Variants in ZNF831 observed in about 807,000 individuals in gnomAD.
ZNF831 encodes the protein zinc finger protein 831.
In ZNF831, 59 loss-of-function variants were observed where a neutral mutation model predicts 95.8. The observed-to-expected ratio is 0.62, with a 90% CI of 0.50 to 0.77. The LOEUF is 0.77. ZNF831 is among the 30% of genes least tolerant of loss of function. The probability of loss-of-function intolerance (pLI) is 0.00; values close to 1 mark genes in which losing one functional copy is unlikely to be tolerated. For missense variants in ZNF831, 2,205 were observed against 2,164.0 expected, an observed-to-expected ratio of 1.02 and a Z score of -0.38; for synonymous variants, 961 against 925.5, an observed-to-expected ratio of 1.04 and a Z score of -0.70.
chr20:59,179,364 C>T lies in ZNF831; in HGVS notation c.-36-11620C>T, dbSNP rs144809779. ...CCATCCGCTTCTCACTACAGTCCAG[C>T]GAAGGGCAGAGCTTCCTTTCACATC... On this transcript the variant is annotated intron_variant, in intron 1 of 5. Coordinates refer to ENST00000371030, the MANE Select transcript of ZNF831 (RefSeq NM_178457.3). Among the ~76,000 whole-genome samples the T allele has an allele frequency of 1.6e-4, 24 of 152,290 alleles. No individual in the cohort carries two copies. In the East Asian group the frequency reaches 2.3e-3, roughly 15 times the overall value.
At chr20:59,196,138 C>T in intron 3 of ZNF831, 133 bp downstream of exon 3, 2 of 1,290,970 alleles carry the variant, frequency 1.5e-6, no homozygotes, top group South Asian at 1.6e-5. Context: ...GATTAAAGGA[C>T]TGAATTTGTT....
intron 4 of ZNF831, among the ~76,000 whole-genome samples, chr20:59,226,776 T>C (rs1238365541): frequency 6.6e-6 from 1 of 151,958 alleles, no homozygotes; most frequent in Non-Finnish European, 1.5e-5. Flanking sequence ...TCTTTGATAA[T>C]GTCTTTGTCA....
chr20:59,253,309 C>T (rs1321825717), intron 5 of ZNF831, among the ~76,000 whole-genome samples, 171 bp downstream of exon 5: 1 of 152,088 alleles, frequency 6.6e-6, no homozygotes, highest in Non-Finnish European at 1.5e-5. Context: ...CATTCTGTAT[C>T]GAATGAGTAG....
chr20:59,139,934 AC>A (rs1286826085), intron 1 of ZNF831, among the ~76,000 whole-genome samples: 5 of 152,218 alleles, frequency 3.3e-5, no homozygotes, highest in Non-Finnish European at 5.9e-5. Context: ...TTGAGGAATA[AC>A]AACCAAGTTA....
intron 1 of ZNF831, among the ~76,000 whole-genome samples, chr20:59,126,759 T>C (rs1290170212): frequency 6.6e-6 from 1 of 152,168 alleles, no homozygotes; most frequent in Non-Finnish European, 1.5e-5. Context: ...TCACTCTCCT[T>C]TTCTGGAAAG....
intron 1 of ZNF831, among the ~76,000 whole-genome samples, chr20:59,177,091 T>G (rs1405237006): frequency 6.6e-6 from 1 of 152,212 alleles, no homozygotes; most frequent in African/African-American, 2.4e-5. Flanking sequence ...ATGGCAGTTC[T>G]CATCCTTGTG....
chr20:59,238,952 T>C (rs1245452456), intron 4 of ZNF831, among the ~76,000 whole-genome samples: 1 of 152,174 alleles, frequency 6.6e-6, no homozygotes, highest in Non-Finnish European at 1.5e-5. Context: ...TGTGTTTTCC[T>C]CTCTATGAGA....
Position 59,194,297 on chromosome 20 carries a change from T to A in ZNF831, c.3278T>A (p.Val1093Asp), listed in dbSNP as rs2146596922. ...TLARARLSGD[V>D]LNPWVPNWEL... is the part of the protein sequence containing the mutation. ...GCAAGGGCCAGGCTCTCTGGGGATG[T>A]CCTGAATCCCTGGGTACCCAACTGG... The change falls in exon 2 of 6, where the codon GTC becomes GAC. Residue 1093 changes from valine to aspartate, a missense_variant. By Grantham distance (152) the Val-to-Asp change is radical (BLOSUM62 -3). Coordinates refer to ENST00000371030, the MANE Select transcript of ZNF831 (RefSeq NM_178457.3). 6.2e-7 allele frequency: 1 copy of A among 1,613,922 alleles called. No homozygotes were observed. The highest frequency in any genetic ancestry group is 8.5e-7 in the Non-Finnish European group (1 of 1,179,988).
At chr20:59,176,996 C>G (rs544933393) in intron 1 of ZNF831, among the ~76,000 whole-genome samples, 1 of 122,358 alleles carries the variant, frequency 8.2e-6, no homozygotes, top group African/African-American at 3.6e-5. Context: ...CAGGCCCATA[C>G]TGGAAAGATC....
intron 4 of ZNF831, among the ~76,000 whole-genome samples, chr20:59,223,864 T>C (rs1206612155): frequency 6.6e-6 from 1 of 152,150 alleles, no homozygotes; most frequent in Non-Finnish European, 1.5e-5. Flanking sequence ...ACATACCCCA[T>C]CTGGGCCCAA....
Position 59,190,975 on chromosome 20 carries a change from T to G in ZNF831, c.-36-9T>G, listed in dbSNP as rs529897491. ...GGTGCCCATGGTAAAGTTTGGTTGT[T>G]GTCTGCAGGTTTTCCAGCATTGTGG... On this transcript the variant is annotated splice_polypyrimidine_tract_variant and intron_variant, in intron 1 of 5. Transcript: ENST00000371030. 2 of 1,461,894 alleles carry G rather than the reference T, an allele frequency of 1.4e-6. No individual in the cohort carries two copies. The highest frequency in any genetic ancestry group is 1.5e-5 in the South Asian group (1 of 66,478). 90.6% of individuals were successfully genotyped at this position (1,461,894 alleles called of 1,614,324 possible).
chr20:59,244,546 A>G (rs1987499011), intron 4 of ZNF831, among the ~76,000 whole-genome samples: 1 of 152,204 alleles, frequency 6.6e-6, no homozygotes, highest in African/African-American at 2.4e-5. Flanking sequence ...ACGCAATATC[A>G]TGTTTGTTGC....
chr20:59,239,353 T>C (rs1301696426), intron 4 of ZNF831, among the ~76,000 whole-genome samples: 1 of 152,328 alleles, frequency 6.6e-6, no homozygotes, highest in East Asian at 1.9e-4. Context: ...GTTAGTTTAC[T>C]GCATTATCAT....
At chr20:59,180,386 A>G (rs1601343553) in intron 1 of ZNF831, among the ~76,000 whole-genome samples, 1 of 152,132 alleles carries the variant, frequency 6.6e-6, no homozygotes, top group African/African-American at 2.4e-5. Context: ...AAGTTCTGGG[A>G]TACATGTGCA....
intron 1 of ZNF831, among the ~76,000 whole-genome samples, chr20:59,171,657 TA>T (rs1568737560): frequency 6.6e-6 from 1 of 152,210 alleles, no homozygotes; most frequent in Admixed American, 6.5e-5. Context: ...CAATAACTCA[TA>T]TATAAAAATT....
At chr20:59,231,048 T>A (rs1986694763) in intron 4 of ZNF831, among the ~76,000 whole-genome samples, 1 of 152,156 alleles carries the variant, frequency 6.6e-6, no homozygotes, top group South Asian at 2.1e-4. Flanking sequence ...GCTCCTGCCA[T>A]TAGATCGGCA....
chr20:59,208,683 G>A lies in ZNF831; in HGVS notation c.4027+1627G>A, dbSNP rs1004123639. Among the ~76,000 whole-genome samples the A allele has an allele frequency of 2.6e-5, 4 of 152,136 alleles. No individual in the cohort carries two copies. The highest frequency in any genetic ancestry group is 2.1e-4 in the South Asian group (1 of 4,826). On this transcript the variant is annotated intron_variant, in intron 4 of 5. Coordinates refer to ENST00000371030, the MANE Select transcript of ZNF831 (RefSeq NM_178457.3). The surrounding 1 kb of genome is among the most constrained non-coding windows in gnomAD (Gnocchi z 4.2). Reference sequence around the variant, plus strand: ...CATGGTACTTGCTGGCTGACTCCTCGTTCCCTGTTCCCATGGACTCTTCCC... The same window carrying A: ...CATGGTACTTGCTGGCTGACTCCTCATTCCCTGTTCCCATGGACTCTTCCC...
intron 2 of ZNF831, 122 bp from the exon 3 acceptor site, chr20:59,195,747 T>C (rs1261755621): frequency 1.3e-6 from 2 of 1,498,336 alleles, no homozygotes; most frequent in African/African-American, 2.8e-5. Flanking sequence ...CGTTTAGCAA[T>C]GCAGTATTTC....
At chr20:59,247,457 T>C (rs1348652153) in intron 4 of ZNF831, among the ~76,000 whole-genome samples, 1 of 151,578 alleles carries the variant, frequency 6.6e-6, no homozygotes, top group Non-Finnish European at 1.5e-5. Flanking sequence ...CGGTTGTTGG[T>C]TGTGCTTGGT....
Sources: allele counts gnomAD v4.1 joint callset (sites outside exome capture counted in the v4.1 genomes callset), GRCh38; gene constraint gnomAD v4.1.1; non-coding constraint Gnocchi (gnomAD v3.1); transcripts MANE v1.5; gene names NCBI Gene and HGNC (gene_info 2026-07-23, HGNC 2026-07-21).